SFXN5: variants seen among roughly 807,000 people sequenced by gnomAD.
The protein encoded by SFXN5 is sideroflexin 5.
Under a neutral mutation model 50.2 loss-of-function variants are expected in SFXN5, and 43 were observed. The observed-to-expected ratio is 0.86, with a 90% CI of 0.67 to 1.11. The LOEUF is 1.11. Ranked by LOEUF, SFXN5 falls within the 50% of genes least tolerant of loss-of-function variation. The probability of loss-of-function intolerance (pLI) is 0.00; values close to 1 mark genes in which losing one functional copy is unlikely to be tolerated. For synonymous variants in SFXN5, 203 were observed against 185.8 expected, an observed-to-expected ratio of 1.09 and a Z score of -0.75; for missense variants, 463 against 454.1, an observed-to-expected ratio of 1.02 and a Z score of -0.18.
At chr2:72,975,059 C>A (rs543399500) in intron 10 of SFXN5, among the ~76,000 whole-genome samples, 1 of 152,274 alleles carries the variant, frequency 6.6e-6, no homozygotes, top group Admixed American at 6.5e-5. Context: ...GATGTTTGAG[C>A]AGCAATGTGG....
intron 13 of SFXN5, among the ~76,000 whole-genome samples, chr2:72,948,649 G>A (rs1009048769): frequency 6.6e-6 from 1 of 152,238 alleles, no homozygotes; most frequent in Non-Finnish European, 1.5e-5. Context: ...TGGCCCGGGG[G>A]AGACCGAGGC....
intron 1 of SFXN5, among the ~76,000 whole-genome samples, chr2:73,062,692 A>T (rs1682901194): frequency 6.6e-6 from 1 of 152,226 alleles, no homozygotes; most frequent in Non-Finnish European, 1.5e-5. Flanking sequence ...ACAGCCCATC[A>T]AAACAGACTA....
intron 2 of SFXN5, among the ~76,000 whole-genome samples, chr2:73,057,123 A>T (rs1682245051): frequency 6.6e-6 from 1 of 152,198 alleles, no homozygotes; most frequent in African/African-American, 2.4e-5. Context: ...ACATGCAATG[A>T]CACAAATGAA....
chr2:73,026,404 T>C (rs1334792697), intron 3 of SFXN5, among the ~76,000 whole-genome samples: 2 of 151,970 alleles, frequency 1.3e-5, no homozygotes, highest in African/African-American at 4.8e-5. Flanking sequence ...CTGCTGGGAT[T>C]ACACCTCGCC....
At chr2:73,067,725 G>C (rs1020566499) in intron 1 of SFXN5, among the ~76,000 whole-genome samples, 2 of 152,172 alleles carry the variant, frequency 1.3e-5, no homozygotes, top group African/African-American at 4.8e-5. Context: ...CCGGCTTTAA[G>C]TTGGCAACTG....
intron 9 of SFXN5, among the ~76,000 whole-genome samples, chr2:72,991,686 C>T (rs952980338): frequency 6.6e-6 from 1 of 152,218 alleles, no homozygotes; most frequent in Non-Finnish European, 1.5e-5. Flanking sequence ...GGCCCTTTGG[C>T]CTTGAACATT....
chr2:72,965,503 T>C (rs1449862129), intron 12 of SFXN5, among the ~76,000 whole-genome samples: 2 of 152,196 alleles, frequency 1.3e-5, no homozygotes, highest in Non-Finnish European at 2.9e-5. Context: ...ACAAGCCACC[T>C]ATGGATGGCT....
intron 9 of SFXN5, among the ~76,000 whole-genome samples, chr2:72,996,081 T>G (rs1673190327): frequency 6.6e-6 from 1 of 152,174 alleles, no homozygotes; most frequent in Admixed American, 6.5e-5. Context: ...GGTTAACTTG[T>G]AATCCAGTGG....
Position 72,968,382 on chromosome 2 carries a change from C to G in SFXN5, c.827+66G>C. 2.0e-6 allele frequency: 3 copies of G among 1,484,582 alleles called. No individual in the cohort carries two copies. In the Admixed American group the frequency reaches 5.4e-5, roughly 27 times the overall value. The allele number at this position is 1,484,582 out of a possible 1,614,324, so 92.0% of individuals were successfully genotyped here. On this transcript the variant is annotated intron_variant, in intron 12 of 13. Coordinates refer to ENST00000272433, the MANE Select transcript of SFXN5 (RefSeq NM_144579.3). Reference sequence around the variant, plus strand: ...CCCCTCATCTCTTGCCTGGGCCAGCCGGTTCCCCCTCCCTCTCCCCCTCCT... The same window carrying G: ...CCCCTCATCTCTTGCCTGGGCCAGCGGGTTCCCCCTCCCTCTCCCCCTCCT...
chr2:73,025,885 C>A (rs1400343081), intron 3 of SFXN5, among the ~76,000 whole-genome samples: 2 of 152,216 alleles, frequency 1.3e-5, no homozygotes, highest in Non-Finnish European at 2.9e-5. Flanking sequence ...TAAATCACAA[C>A]AGCCCAGACA....
At chr2:73,002,976 A>G (rs1008283877) in intron 6 of SFXN5, among the ~76,000 whole-genome samples, 1 of 152,232 alleles carries the variant, frequency 6.6e-6, no homozygotes, top group Non-Finnish European at 1.5e-5. Flanking sequence ...TTAAAATTCT[A>G]CTTCCAAATT....
intron 1 of SFXN5, chr2:73,071,299 T>C (rs984187746): frequency 3.0e-5 from 12 of 397,464 alleles, no homozygotes; most frequent in African/African-American, 1.3e-4. Flanking sequence ...AGCCGGGCGC[T>C]CGGGACCTTG....
chr2:73,030,752 T>C lies in SFXN5; in HGVS notation c.250-7538A>G, dbSNP rs185384054. Among the ~76,000 whole-genome samples, 828 of 152,350 alleles carry C rather than the reference T, an allele frequency of 5.4e-3. 6 individuals carry two copies. Among genetic ancestry groups the C allele is most frequent in the Non-Finnish European group, 9.8e-3 (668 of 68,036 alleles). On this transcript the variant is annotated intron_variant, in intron 3 of 13. Transcript: ENST00000272433. ...GTGGAATCACATAGTATTTATTCTT[T>C]TGTGACTGTCTTATCTTTCTGCTAT...
Position 72,983,011 on chromosome 2 carries a change from G to T in SFXN5, c.625+5247C>A, listed in dbSNP as rs970619354. ...GATGTCACAGGGCCCAGGACAAGCT[G>T]CCACAGGTGCACACTGCTGCCTCCT... On this transcript the variant is annotated intron_variant, in intron 10 of 13. Transcript: ENST00000272433. Among the ~76,000 whole-genome samples the T allele has an allele frequency of 2.6e-5, 4 of 152,222 alleles. No homozygotes were observed. In the East Asian group the frequency reaches 7.7e-4, roughly 29 times the overall value.
At chr2:73,023,614 T>C (rs978936932) in intron 3 of SFXN5, among the ~76,000 whole-genome samples, 1 of 152,192 alleles carries the variant, frequency 6.6e-6, no homozygotes, top group Non-Finnish European at 1.5e-5. Flanking sequence ...AGTGACAGCA[T>C]AATATAATTT....
chr2:72,983,774 C>A (rs75816062), intron 10 of SFXN5, among the ~76,000 whole-genome samples: 1 of 152,204 alleles, frequency 6.6e-6, no homozygotes, highest in East Asian at 1.9e-4. Context: ...ACCTCTGGGA[C>A]CCAGGACTTG....
At chr2:73,013,872 C>G (rs1204972819) in intron 6 of SFXN5, among the ~76,000 whole-genome samples, 1 of 152,014 alleles carries the variant, frequency 6.6e-6, no homozygotes, top group Admixed American at 6.6e-5. Flanking sequence ...GCTTTCTCTC[C>G]CCAGAGGTAA....
At chr2:73,006,066 G>T (rs774156456) in intron 6 of SFXN5, among the ~76,000 whole-genome samples, 2 of 152,126 alleles carry the variant, frequency 1.3e-5, no homozygotes. Context: ...CTGACAGCAC[G>T]TGGGAGGACG....
intron 2 of SFXN5, among the ~76,000 whole-genome samples, chr2:73,048,773 T>A (rs1323171561): frequency 1.3e-5 from 2 of 152,368 alleles, no homozygotes; most frequent in Non-Finnish European, 2.9e-5. Flanking sequence ...TCCTTGTATA[T>A]AAATCTCACT....
Sources: allele counts gnomAD v4.1 joint callset (sites outside exome capture counted in the v4.1 genomes callset), GRCh38; gene constraint gnomAD v4.1.1; transcripts MANE v1.5; gene names NCBI Gene and HGNC (gene_info 2026-07-23, HGNC 2026-07-21).